Variants in COQ2 observed in about 807,000 individuals in gnomAD.
COQ2 encodes the protein coenzyme Q2, polyprenyltransferase, also known as 4-hydroxybenzoate polyprenyltransferase, mitochondrial.
In COQ2, 25 loss-of-function variants were observed where a neutral mutation model predicts 35.7. That is an observed-to-expected ratio of 0.70 (90% CI 0.51 to 0.98). The LOEUF is 0.98. Among genes scored for constraint, COQ2 ranks in the 50% least tolerant of loss-of-function variants. The pLI is 0.00. For missense variants in COQ2, 488 were observed against 473.5 expected (o/e 1.03, Z -0.28); for synonymous variants, 206 against 186.2 (o/e 1.11, Z -0.86).
chr4:83,281,716 CACA>C (rs1194770473), intron 1 of COQ2: 1 of 152,210 alleles, frequency 6.6e-6, no homozygotes, highest in Non-Finnish European at 1.5e-5. Flanking sequence ...TTTTGACTCT[CACA>C]ACAAGCCTAT....
intron 1 of COQ2, among the ~76,000 whole-genome samples, chr4:83,281,922 GTTTCA>G (rs1313515414): frequency 1.3e-5 from 2 of 151,228 alleles, no homozygotes; most frequent in Non-Finnish European, 2.9e-5. Context: ...ATACACTTCA[GTTTCA>G]CCTGTTCTTT....
intron 2 of COQ2, among the ~76,000 whole-genome samples, chr4:83,275,305 T>G (rs949616380): frequency 1.3e-5 from 2 of 152,234 alleles, no homozygotes; most frequent in African/African-American, 4.8e-5. Flanking sequence ...TGACTTTTTT[T>G]GACACTGCTC....
chr4:83,269,834 A>G, intron 5 of COQ2, 26 bp downstream of exon 5: 2 of 1,508,136 alleles, frequency 1.3e-6, no homozygotes, highest in Non-Finnish European at 1.8e-6. Context: ...AACTAAACCA[A>G]AGTTAAGAAA....
intron 6 of COQ2, among the ~76,000 whole-genome samples, chr4:83,266,404 C>A (rs1308015408): frequency 6.6e-6 from 1 of 150,550 alleles, no homozygotes; most frequent in African/African-American, 2.5e-5. Flanking sequence ...GTCGCCCAGG[C>A]TGGAGTGCAG....
intron 1 of COQ2, among the ~76,000 whole-genome samples, chr4:83,280,074 C>T (rs1417922471): frequency 6.6e-6 from 1 of 152,044 alleles, no homozygotes; most frequent in African/African-American, 2.4e-5. Flanking sequence ...AAGTAATCGT[C>T]CCACCTTGGC....
Position 83,284,606 on chromosome 4 carries a change from C to A in COQ2, c.159G>T (p.Gly53=). 6.5e-7 allele frequency: 1 copy of A among 1,535,324 alleles called. No homozygotes were observed. The highest frequency in any genetic ancestry group is 1.4e-5 in the African/African-American group (1 of 70,244). The change falls in exon 1 of 7, where the codon GGG becomes GGT. Residue 53 remains glycine (G), a synonymous_variant. Coordinates refer to ENST00000647002, the MANE Select transcript of COQ2 (RefSeq NM_001358921.2). ...CCGCCGCGGACAAACTGAGCTGGCG[C>A]CCGCGCGGCTCGGGACAGGCGGGGG... ...LQPPACPEPR[G]RQLSLSAAAV...
In COQ2 at chr4:83,284,396, A is replaced by G. The variant is rs1735400389; in HGVS notation, c.253+116T>C. On this transcript the variant is annotated intron_variant, in intron 1 of 6. Transcript: ENST00000647002. ...GCACGGCACCCGGCAGCCAAGCCCA[A>G]GCTTTCAGGTTCTCATTTCCATCAC... The G allele has an allele frequency of 2.8e-6, 4 of 1,419,882 alleles. No individual in the cohort carries two copies. The South Asian group carries it at 4.5e-5, about 16-fold the overall frequency. The allele number at this position is 1,419,882 out of a possible 1,614,324, so 88.0% of individuals were successfully genotyped here. A position where few individuals can be genotyped will look rare whatever the true frequency, so the allele number is the denominator to read the frequency against.
chr4:83,264,621 G>C (rs977735317), intron 6 of COQ2, among the ~76,000 whole-genome samples: 4 of 151,842 alleles, frequency 2.6e-5, no homozygotes, highest in Admixed American at 6.6e-5. Flanking sequence ...GCCTGGGTGA[G>C]AGAGTGAGAC....
At chr4:83,279,192 C>G (rs541169529) in intron 1 of COQ2, 78 bp from the exon 2 acceptor site, 2 of 1,424,732 alleles carry the variant, frequency 1.4e-6, no homozygotes, top group African/African-American at 1.5e-5. Context: ...CATCACATAC[C>G]AAAGAAATAA....
Position 83,264,153 on chromosome 4 carries a change from T to C in COQ2, c.*46A>G, listed in dbSNP as rs2126170175. 1 of 959,446 alleles carries C rather than the reference T, an allele frequency of 1.0e-6. No homozygotes were observed. Among genetic ancestry groups the C allele is most frequent in the South Asian group, 1.8e-5 (1 of 56,686 alleles). The allele number at this position is 959,446 out of a possible 1,614,324, so 59.4% of individuals were successfully genotyped here. On this transcript the variant is annotated 3_prime_UTR_variant, in exon 7 of 7. Transcript: ENST00000647002. ...CAGATTTTGTATTCAAATCTAATTA[T>C]ATTTTGTAAAAAATGTTTTAAAAAT...
chr4:83,278,893 T>C (rs921641618), intron 2 of COQ2, 55 bp downstream of exon 2: 13 of 1,472,906 alleles, frequency 8.8e-6, no homozygotes, highest in Non-Finnish European at 8.1e-6. Flanking sequence ...GATACCACTA[T>C]GTTATTCTGC....
chr4:83,279,464 A>G (rs1400871525), intron 1 of COQ2, among the ~76,000 whole-genome samples: 9 of 152,288 alleles, frequency 5.9e-5, no homozygotes, highest in Admixed American at 3.3e-4. Flanking sequence ...AAAACCCTAC[A>G]TCTGACAACA....
intron 6 of COQ2, 28 bp downstream of exon 6, chr4:83,267,558 T>C (rs1457436751): frequency 1.3e-6 from 2 of 1,518,814 alleles, no homozygotes; most frequent in East Asian, 2.4e-5. Flanking sequence ...CAAGGAAATA[T>C]GAGGGACAAA....
At chr4:83,271,877 AATG>A (rs1025944247) in intron 4 of COQ2, among the ~76,000 whole-genome samples, 4 of 152,118 alleles carry the variant, frequency 2.6e-5, no homozygotes, top group African/African-American at 9.7e-5. Flanking sequence ...AGGAAAAAAT[AATG>A]ATGATGATGA....
rs775436830 is a variant in COQ2 at position 83,284,558 on chromosome 4, G to A, written c.207C>T (p.Arg69=). 5 of 1,568,394 alleles carry A rather than the reference G, an allele frequency of 3.2e-6. No individual in the cohort carries two copies. The highest frequency in any genetic ancestry group is 8.6e-7 in the Non-Finnish European group (1 of 1,158,762). The change falls in exon 1 of 7, where the codon CGC becomes CGT. Residue 69 remains arginine, a synonymous_variant. Transcript: ENST00000647002. ...SAAAVVDSAP[R]PLQPYLRLMR... ...TGAGGCGCAAGTACGGCTGCAGGGG[G>A]CGGGGCGCAGAGTCCACCACCGCCG...
chr4:83,267,595 C>T lies in COQ2; in HGVS notation c.942G>A (p.Leu314=), dbSNP rs879144321. The part of the protein sequence containing the change: ...YAALGAVGAH[L]THQIYTLDIH... ...AAGAAAAAGGTCAAACCTGGTGAGT[C>T]AGATGGGCTCCTACAGCACCCAGGG... The change falls in exon 6 of 7, where the codon CTG becomes CTA. Residue 314 remains leucine (L), a synonymous_variant. Transcript: ENST00000647002. 1.9e-6 allele frequency: 3 copies of T among 1,567,686 alleles called. No homozygotes were observed. Among genetic ancestry groups the T allele is most frequent in the South Asian group, 1.2e-5 (1 of 82,242 alleles).
intron 6 of COQ2, among the ~76,000 whole-genome samples, chr4:83,265,972 C>G (rs1734909520): frequency 1.3e-5 from 2 of 152,146 alleles, no homozygotes; most frequent in South Asian, 4.2e-4. Context: ...GCCGAATATT[C>G]CTTATAGTAT....
rs566845170 is a variant in COQ2, at chr4:83,267,648, T to C, written c.889A>G (p.Ser297Gly). ...GCGTAGTAGGGAGCAGTCTGTCCAC[T>C]GTTCACACCCACTAGGCTCAGTGCC... ...LGALSLVGVN[S>G]GQTAPYYAAL... Residue 297 changes from serine to glycine, a missense_variant, in exon 6 of 7, where the codon AGT (serine) becomes GGT (glycine). By Grantham distance (56) the Ser-to-Gly change is moderately conservative (BLOSUM62 0). Coordinates refer to ENST00000647002, the MANE Select transcript of COQ2 (RefSeq NM_001358921.2). 11 of 1,581,006 alleles carry C rather than the reference T, an allele frequency of 7.0e-6. No homozygotes were observed. The South Asian group carries it at 1.0e-4, about 15-fold the overall frequency.
chr4:83,270,348 C>T (rs961557971), intron 4 of COQ2, among the ~76,000 whole-genome samples: 3 of 152,194 alleles, frequency 2.0e-5, no homozygotes, highest in Non-Finnish European at 2.9e-5. Flanking sequence ...ACTTACATCT[C>T]TCTGACTCAA....
Sources: allele counts gnomAD v4.1 joint callset (sites outside exome capture counted in the v4.1 genomes callset), GRCh38; gene constraint gnomAD v4.1.1; transcripts MANE v1.5; gene names NCBI Gene and HGNC (gene_info 2026-07-23, HGNC 2026-07-21).